Variants in PSMG2 observed in about 807,000 individuals in gnomAD.
The protein encoded by PSMG2 is CD40 ligand-activated specific transcript 3.
In PSMG2, 21 loss-of-function variants were observed where a neutral mutation model predicts 31.5. The ratio of observed to expected loss-of-function variants is 0.67; its 90% CI spans 0.47 to 0.96. The LOEUF (loss-of-function observed/expected upper bound fraction) is 0.96, where lower values mean the gene tolerates loss of function less well. Among genes scored for constraint, PSMG2 ranks in the 40% least tolerant of loss-of-function variants. PSMG2 has a pLI of 0.00. For missense variants in PSMG2, 318 were observed against 321.2 expected, an observed-to-expected ratio of 0.99 and a Z score of 0.08; for synonymous variants, 120 against 110.4, an observed-to-expected ratio of 1.09 and a Z score of -0.54.
intron 1 of PSMG2, chr18:12,680,941 G>A (rs1167968034): frequency 3.0e-6 from 3 of 987,510 alleles, no homozygotes; most frequent in South Asian, 1.9e-5. Context: ...GCTCACGCCT[G>A]TAATCCCAAC....
Position 12,718,547 on chromosome 18 carries a change from C to A in PSMG2, c.319C>A (p.Leu107Ile). 1.2e-6 allele frequency: 2 copies of A among 1,611,588 alleles called. No individual in the cohort carries two copies. The highest frequency in any genetic ancestry group is 8.5e-7 in the Non-Finnish European group (1 of 1,178,682). Residue 107 changes from leucine to isoleucine, a missense_variant, in exon 4 of 7, where the codon CTT becomes ATT. Transcript: ENST00000317615. ...YKSKPFCEKL[L>I]SWVKSSGCAR... Reference sequence around the variant, plus strand: ...ATCAAAGCCATTCTGTGAAAAACTGCTTTCCTGGGTGAAAAGCAGTGGCTG... The same window carrying A: ...ATCAAAGCCATTCTGTGAAAAACTGATTTCCTGGGTGAAAAGCAGTGGCTG...
At chr18:12,716,388 GAATT>G (rs2040376166) in intron 3 of PSMG2, among the ~76,000 whole-genome samples, 1 of 147,064 alleles carries the variant, frequency 6.8e-6, no homozygotes, top group Non-Finnish European at 1.5e-5. Flanking sequence ...AGTAAAGAGT[GAATT>G]TTTTTTTTTT....
chr18:12,725,492 A>C lies in PSMG2; in HGVS notation c.756A>C (p.Arg252Ser). The C allele has an allele frequency of 6.2e-7, 1 of 1,607,738 alleles. No individual in the cohort carries two copies. Among genetic ancestry groups the C allele is most frequent in the Non-Finnish European group, 8.5e-7 (1 of 1,174,458 alleles). ...ASRWKIPSSW[R>S]LLFGSGLPPA... ...GGTGGAAAATACCAAGTTCTTGGAGATTACTCTTTGGCAGTGGTCTTCCCC... is the reference window on the plus strand; with the variant it reads ...GGTGGAAAATACCAAGTTCTTGGAGCTTACTCTTTGGCAGTGGTCTTCCCC... Residue 252 changes from arginine (R) to serine (S), a missense_variant, in exon 7 of 7, where the codon AGA becomes AGC. Physicochemically the swap from Arg to Ser is moderately radical, Grantham distance 110. Coordinates refer to ENST00000317615, the MANE Select transcript of PSMG2 (RefSeq NM_020232.5).
chr18:12,668,330 G>A (rs2038848109), intron 1 of PSMG2, among the ~76,000 whole-genome samples: 1 of 151,818 alleles, frequency 6.6e-6, no homozygotes. Context: ...CGTCGCAGAT[G>A]CCAATAATCT....
chr18:12,661,115 C>G (rs1276729455), intron 1 of PSMG2, among the ~76,000 whole-genome samples: 1 of 152,094 alleles, frequency 6.6e-6, no homozygotes, highest in Non-Finnish European at 1.5e-5. Flanking sequence ...CGAGACCAGC[C>G]TGGCCAACAT....
rs535153114 is a variant in PSMG2, at chr18:12,690,941, C to G, written c.-36-15609C>G. ...CAAAAAATATATATATGCCCAGAGC[C>G]CCCCCCCGTTCTGCACACAAGAGCT... On this transcript the variant is annotated intron_variant, in intron 1 of 6. Transcript: ENST00000585331. 1.9e-3 allele frequency among the ~76,000 whole-genome samples: 282 copies of G among 149,434 alleles called. 2 individuals are homozygous for G. The highest frequency in any genetic ancestry group is 9.8e-3 in the South Asian group (46 of 4,702).
intron 1 of PSMG2, among the ~76,000 whole-genome samples, chr18:12,676,277 T>C (rs2039127397): frequency 7.0e-6 from 1 of 142,046 alleles, no homozygotes; most frequent in South Asian, 2.2e-4. Context: ...AAACAGTAAT[T>C]CCTTTTTTTT....
intron 3 of PSMG2, 42 bp from the exon 4 acceptor site, chr18:12,718,471 GACTA>G (rs897710022): frequency 1.1e-5 from 14 of 1,239,588 alleles, no homozygotes; most frequent in African/African-American, 3.0e-5. Context: ...TATGCTCTAA[GACTA>G]ACTTTTAGAT....
upstream of PSMG2, chr18:12,702,315 G>A: frequency 1.8e-6 from 1 of 561,828 alleles, no homozygotes; most frequent in Non-Finnish European, 3.1e-6. Context: ...TCTCGGAGAC[G>A]AGGACGCTCT....
At chr18:12,662,756 G>A (rs1411474843) in intron 1 of PSMG2, among the ~76,000 whole-genome samples, 2 of 152,168 alleles carry the variant, frequency 1.3e-5, no homozygotes, top group African/African-American at 2.4e-5. Context: ...CAGCCTGGGC[G>A]ATAGAGTGAG....
At chr18:12,715,442 C>T (rs1304443648) in intron 3 of PSMG2, among the ~76,000 whole-genome samples, 1 of 152,180 alleles carries the variant, frequency 6.6e-6, no homozygotes, top group Non-Finnish European at 1.5e-5. Context: ...CCTGAGGTAT[C>T]ATCTTTTCAG....
At chr18:12,664,781 C>T (rs1325337028) in intron 1 of PSMG2, among the ~76,000 whole-genome samples, 1 of 151,378 alleles carries the variant, frequency 6.6e-6, no homozygotes, top group Non-Finnish European at 1.5e-5. Context: ...TCAGTGCAAC[C>T]TCTGCCTCCC....
intron 1 of PSMG2, among the ~76,000 whole-genome samples, chr18:12,693,501 A>G (rs1026299963): frequency 5.9e-5 from 9 of 152,214 alleles, no homozygotes; most frequent in Non-Finnish European, 1.0e-4. Flanking sequence ...TATGTCACAT[A>G]AATATATGAA....
chr18:12,702,599 C>T, upstream of PSMG2: 4 of 1,571,174 alleles, frequency 2.5e-6, no homozygotes, highest in Non-Finnish European at 3.4e-6. Flanking sequence ...GATGCCCTAA[C>T]TGCGCGGCCC....
chr18:12,665,807 C>T (rs1411960302), intron 1 of PSMG2, among the ~76,000 whole-genome samples: 1 of 152,162 alleles, frequency 6.6e-6, no homozygotes, highest in East Asian at 1.9e-4. Flanking sequence ...ATGCAGTTCT[C>T]CTGCCTCAGC....
Position 12,706,605 on chromosome 18 carries a change from C to T in PSMG2, c.113C>T (p.Thr38Ile). The change falls in exon 2 of 7, where the codon ACA (threonine) becomes ATA (isoleucine). Residue 38 changes from threonine to isoleucine, a missense_variant. Coordinates refer to ENST00000317615, the MANE Select transcript of PSMG2 (RefSeq NM_020232.5). ...GQLAMDLIISTLNMSKIGYFY... is the reference protein window; with the variant it reads ...GQLAMDLIISILNMSKIGYFY... ...CTTGCAATGGATCTGATTATTTCTA[C>T]ACTGAATATGTCTAAGATTGGTTAC... The T allele has an allele frequency of 1.2e-6, 2 of 1,614,118 alleles. No individual in the cohort carries two copies. Among genetic ancestry groups the T allele is most frequent in the Non-Finnish European group, 1.7e-6 (2 of 1,179,996 alleles).
chr18:12,720,012 C>T (rs969738530), intron 4 of PSMG2, among the ~76,000 whole-genome samples: 1 of 151,894 alleles, frequency 6.6e-6, no homozygotes, highest in South Asian at 2.1e-4. Context: ...CCACCACGCC[C>T]GGCCCCAAGA....
intron 1 of PSMG2, among the ~76,000 whole-genome samples, chr18:12,675,670 AT>A (rs1180064991): frequency 6.6e-6 from 1 of 151,218 alleles, no homozygotes; most frequent in Non-Finnish European, 1.5e-5. Context: ...TTTATTTTTT[AT>A]TTTTTTAAAT....
intron 1 of PSMG2, among the ~76,000 whole-genome samples, chr18:12,690,711 T>C (rs1015761916): frequency 1.3e-5 from 2 of 152,100 alleles, no homozygotes; most frequent in Non-Finnish European, 2.9e-5. Flanking sequence ...CACCTCGGCC[T>C]CCCCAAGTGC....
Sources: gnomAD v4.1 joint callset for allele counts (sites outside exome capture counted in the v4.1 genomes callset) on GRCh38, gnomAD v4.1.1 for gene constraint, MANE v1.5 for transcripts, NCBI Gene and HGNC (gene_info 2026-07-23, HGNC 2026-07-21) for gene names.